The following CENPP variants were observed in gnomAD, a reference collection of about 807,000 sequenced individuals.
The protein encoded by CENPP is centromere protein P.
A neutral mutation model predicts 35.6 loss-of-function variants in CENPP; 24 were observed. That is an observed-to-expected ratio of 0.67 (90% CI 0.49 to 0.95). The LOEUF (loss-of-function observed/expected upper bound fraction) is 0.95, where lower values mean the gene tolerates loss of function less well. Ranked by LOEUF, CENPP falls within the 40% of genes least tolerant of loss-of-function variation. The pLI, the probability that CENPP is intolerant of heterozygous loss-of-function variation, is 0.00. For synonymous variants in CENPP, 120 were observed against 125.5 expected, an observed-to-expected ratio of 0.96 and a Z score of 0.29; for missense variants, 332 against 345.3, an observed-to-expected ratio of 0.96 and a Z score of 0.31.
intron 3 of CENPP, among the ~76,000 whole-genome samples, chr9:92,342,560 T>C (rs1345849661): frequency 2.6e-5 from 4 of 152,230 alleles, no homozygotes; most frequent in African/African-American, 9.6e-5. Flanking sequence ...ACTCTCACTT[T>C]CTCTCTGAGC....
intron 5 of CENPP, among the ~76,000 whole-genome samples, chr9:92,404,051 T>G (rs1449130880): frequency 2.6e-5 from 4 of 152,214 alleles, no homozygotes. Context: ...ATTTTTAATT[T>G]AAGCTAAGAA....
rs532591820 is a variant in CENPP at position 92,434,151 on chromosome 9, G to T, written c.564+54292G>T. ...CACGCCTGTAATCCCAACACTTTGG[G>T]AGGCTGAGGTCAGTGGATCACAAAG... On this transcript the variant is annotated intron_variant, in intron 5 of 7. Coordinates refer to ENST00000375587, the MANE Select transcript of CENPP (RefSeq NM_001012267.3). Among the ~76,000 whole-genome samples the T allele has an allele frequency of 5.9e-5, 9 of 152,232 alleles. No homozygotes were observed. The South Asian group carries it at 1.0e-3, about 18-fold the overall frequency.
intron 2 of CENPP, among the ~76,000 whole-genome samples, chr9:92,333,574 T>C (rs955146778): frequency 1.3e-5 from 2 of 152,182 alleles, no homozygotes; most frequent in Non-Finnish European, 2.9e-5. Context: ...TGGAAAAATA[T>C]AGAAATTATG....
At chr9:92,499,152 A>G (rs549567684) in intron 5 of CENPP, among the ~76,000 whole-genome samples, 15 of 152,218 alleles carry the variant, frequency 9.9e-5, no homozygotes, top group Non-Finnish European at 2.1e-4. Flanking sequence ...AATGGCGACC[A>G]TTGTCCAGAT....
At chr9:92,475,907 T>C (rs1845698572) in intron 5 of CENPP, among the ~76,000 whole-genome samples, 1 of 152,236 alleles carries the variant, frequency 6.6e-6, no homozygotes, top group Non-Finnish European at 1.5e-5. Flanking sequence ...AACAGAACTA[T>C]ACAAATGAGA....
intron 5 of CENPP, among the ~76,000 whole-genome samples, chr9:92,440,893 G>A (rs975072799): frequency 2.0e-5 from 3 of 152,054 alleles, no homozygotes; most frequent in Non-Finnish European, 4.4e-5. Context: ...ACTTAACATC[G>A]TCAATGGGTT....
At chr9:92,528,791 A>C (rs1324004642) in intron 5 of CENPP, among the ~76,000 whole-genome samples, 1 of 152,232 alleles carries the variant, frequency 6.6e-6, no homozygotes, top group African/African-American at 2.4e-5. Context: ...ATAACTTGAC[A>C]GTGTCTCAGA....
chr9:92,509,347 G>A (rs906401872), intron 5 of CENPP, among the ~76,000 whole-genome samples: 14 of 152,148 alleles, frequency 9.2e-5, no homozygotes, highest in African/African-American at 2.4e-4. Context: ...CATCTCAGCC[G>A]CATATGCAGT....
At chr9:92,388,525 T>G (rs866213228) in intron 5 of CENPP, among the ~76,000 whole-genome samples, 1 of 151,846 alleles carries the variant, frequency 6.6e-6, no homozygotes, top group African/African-American at 2.4e-5. Context: ...CAAATTAATA[T>G]TTTCAAATTA....
chr9:92,376,778 C>T lies in CENPP; in HGVS notation c.468-2985C>T, dbSNP rs978707656. On this transcript the variant is annotated intron_variant, in intron 4 of 7. Coordinates refer to ENST00000375587, the MANE Select transcript of CENPP (RefSeq NM_001012267.3). Reference sequence around the variant, plus strand: ...GATGGAGACCAGGTGCAGTGGCTCACGCCTGTAATCCCAGCACTTTGGGAG... The same window carrying T: ...GATGGAGACCAGGTGCAGTGGCTCATGCCTGTAATCCCAGCACTTTGGGAG... 5.3e-5 allele frequency among the ~76,000 whole-genome samples: 8 copies of T among 152,108 alleles called. No individual in the cohort carries two copies. The East Asian group carries it at 9.6e-4, about 18-fold the overall frequency.
At chr9:92,496,823 G>A (rs543543414) in intron 5 of CENPP, among the ~76,000 whole-genome samples, 49 of 152,118 alleles carry the variant, frequency 3.2e-4, no homozygotes, top group East Asian at 3.9e-4. Context: ...AACTTATATC[G>A]CAGATACAAA....
chr9:92,375,947 A>G (rs1842116451), intron 4 of CENPP, among the ~76,000 whole-genome samples: 1 of 151,690 alleles, frequency 6.6e-6, no homozygotes, highest in Non-Finnish European at 1.5e-5. Flanking sequence ...TACATTTTGA[A>G]TATTATGATG....
chr9:92,537,782 C>T (rs1162495582), intron 5 of CENPP, among the ~76,000 whole-genome samples: 4 of 152,156 alleles, frequency 2.6e-5, no homozygotes, highest in Non-Finnish European at 5.9e-5. Context: ...TTCTCAATCT[C>T]AGTAACAGTC....
intron 1 of CENPP, among the ~76,000 whole-genome samples, chr9:92,327,929 G>A (rs1008176331): frequency 2.6e-5 from 4 of 152,118 alleles, no homozygotes; most frequent in Non-Finnish European, 4.4e-5. Flanking sequence ...CACAGAGTCC[G>A]TTCTGCAACT....
chr9:92,555,003 TTTGTTGTTGTTGTTGTTG>T (rs57027847), intron 5 of CENPP, among the ~76,000 whole-genome samples: 4 of 149,706 alleles, frequency 2.7e-5, no homozygotes, highest in Non-Finnish European at 5.9e-5. Context: ...GTCTGTATTG[TTTGTTGTTGTTGTTGTTG>T]TTGTTGTTGT....
At chr9:92,344,699 C>CACG (rs1434854800) in intron 3 of CENPP, among the ~76,000 whole-genome samples, 2 of 151,842 alleles carry the variant, frequency 1.3e-5, no homozygotes, top group Admixed American at 1.3e-4. Context: ...AGGCGCCTGC[C>CACG]ACGACGCCTA....
At chr9:92,412,657 A>C (rs1843476305) in intron 5 of CENPP, among the ~76,000 whole-genome samples, 1 of 152,192 alleles carries the variant, frequency 6.6e-6, no homozygotes, top group African/African-American at 2.4e-5. Context: ...AATGTTTTCA[A>C]GGTTATCCAT....
At position 92,382,892 on chromosome 9, in the gene CENPP, CTTTTTTTTTTTTTTTT is replaced by C. The variant is rs1213731251; in HGVS notation, c.564+3043_564+3058del. ...CTTACGCTAGTACCACACTGTTTTC[CTTTTTTTTTTTTTTTT>C]TTTTTTTTTAGACAGAGTCTTGCTC... is the stretch of plus-strand genomic sequence containing the variant. On this transcript the variant is annotated intron_variant, in intron 5 of 7. Coordinates refer to ENST00000375587, the MANE Select transcript of CENPP (RefSeq NM_001012267.3). 1.0e-4 allele frequency among the ~76,000 whole-genome samples: 7 copies of C among 69,820 alleles called. No homozygotes were observed. In the South Asian group the frequency reaches 3.2e-3, roughly 32 times the overall value. The allele number at this position is 69,820 out of a possible 152,430, so 45.8% of individuals were successfully genotyped here. A position where few individuals can be genotyped will look rare whatever the true frequency, so the allele number is the denominator to read the frequency against.
chr9:92,361,134 T>G (rs1841737215), intron 4 of CENPP, among the ~76,000 whole-genome samples: 1 of 151,414 alleles, frequency 6.6e-6, no homozygotes, highest in Non-Finnish European at 1.5e-5. Context: ...TTTACTTTAT[T>G]TATTTATTTA....
Sources: allele counts gnomAD v4.1 joint callset (sites outside exome capture counted in the v4.1 genomes callset), GRCh38; gene constraint gnomAD v4.1.1; transcripts MANE v1.5; gene names NCBI Gene and HGNC (gene_info 2026-07-23, HGNC 2026-07-21).